ZNF521: variants seen among roughly 807,000 people sequenced by gnomAD.
ZNF521 encodes LYST-interacting protein 3.
In ZNF521, 14 loss-of-function variants were observed where a neutral mutation model predicts 105.5. That is an observed-to-expected ratio of 0.13 (90% CI 0.09 to 0.21). The LOEUF (loss-of-function observed/expected upper bound fraction) is 0.21. ZNF521 is among the 10% of genes least tolerant of loss of function. The pLI is 1.00. For missense variants in ZNF521, 1,233 were observed against 1,629.7 expected (o/e 0.76, Z 4.19); for synonymous variants, 635 against 606.0 (o/e 1.05, Z -0.70).
intron 7 of ZNF521, among the ~76,000 whole-genome samples, chr18:25,083,192 T>C (rs942810785): frequency 5.3e-5 from 8 of 152,216 alleles, no homozygotes; most frequent in Non-Finnish European, 8.8e-5. Flanking sequence ...TATACATGTT[T>C]AGTTTTGTAG....
chr18:25,077,641 G>T (rs1020410244), intron 7 of ZNF521, among the ~76,000 whole-genome samples: 3 of 152,162 alleles, frequency 2.0e-5, no homozygotes, highest in Non-Finnish European at 4.4e-5. Flanking sequence ...GAAAGGGAGG[G>T]ATGAGAGATG....
chr18:25,267,291 A>AT (rs1909336217), intron 3 of ZNF521, among the ~76,000 whole-genome samples: 1 of 152,166 alleles, frequency 6.6e-6, no homozygotes, highest in Admixed American at 6.5e-5. Flanking sequence ...CGACTTATAG[A>AT]TAAAACCCCC....
At chr18:25,087,544 C>T (rs1007552395) in intron 7 of ZNF521, among the ~76,000 whole-genome samples, 1 of 152,158 alleles carries the variant, frequency 6.6e-6, no homozygotes, top group Admixed American at 6.5e-5. Context: ...TGATTTTAAA[C>T]GATTACTTAA....
chr18:25,342,186 T>C (rs904424446), intron 2 of ZNF521, among the ~76,000 whole-genome samples: 2 of 152,162 alleles, frequency 1.3e-5, no homozygotes, highest in African/African-American at 4.8e-5. Context: ...GGAATTAATA[T>C]GCACTCCCTT....
intron 7 of ZNF521, among the ~76,000 whole-genome samples, chr18:25,065,299 C>G (rs1459342183): frequency 2.0e-5 from 3 of 152,178 alleles, no homozygotes; most frequent in Non-Finnish European, 4.4e-5. Context: ...TTTTTGAGCA[C>G]TGACATGATG....
chr18:25,068,699 G>T (rs1393087574), intron 7 of ZNF521, among the ~76,000 whole-genome samples: 2 of 152,048 alleles, frequency 1.3e-5, no homozygotes, highest in Non-Finnish European at 2.9e-5. Flanking sequence ...TGTCTGTACG[G>T]GTCCCTGAAG....
intron 2 of ZNF521, among the ~76,000 whole-genome samples, chr18:25,344,652 G>A (rs1048239912): frequency 6.6e-6 from 1 of 152,098 alleles, no homozygotes; most frequent in African/African-American, 2.4e-5. Context: ...GGTTTGACGT[G>A]GAATATCAGC....
chr18:25,199,787 T>C (rs537863479), intron 4 of ZNF521, among the ~76,000 whole-genome samples: 1 of 152,222 alleles, frequency 6.6e-6, no homozygotes, highest in Non-Finnish European at 1.5e-5. Flanking sequence ...TCACTTGATA[T>C]GCACCAAAAA....
At chr18:25,282,064 T>C (rs933740140) in intron 3 of ZNF521, among the ~76,000 whole-genome samples, 9 of 152,170 alleles carry the variant, frequency 5.9e-5, no homozygotes, top group African/African-American at 2.2e-4. Flanking sequence ...TGTTAGGAAG[T>C]TGCCACTCGT....
chr18:25,231,172 C>T (rs1359535610), intron 3 of ZNF521, among the ~76,000 whole-genome samples: 1 of 152,176 alleles, frequency 6.6e-6, no homozygotes, highest in African/African-American at 2.4e-5. Flanking sequence ...TACACCCAGC[C>T]GCTGAAGGCC....
intron 5 of ZNF521, among the ~76,000 whole-genome samples, chr18:25,152,462 G>C (rs955025703): frequency 3.4e-5 from 5 of 148,146 alleles, no homozygotes; most frequent in Non-Finnish European, 7.4e-5. Context: ...CTGGGCAACA[G>C]AGCGAGACTC....
intron 2 of ZNF521, among the ~76,000 whole-genome samples, chr18:25,336,048 G>A (rs1037935375): frequency 6.6e-6 from 1 of 152,140 alleles, no homozygotes; most frequent in Non-Finnish European, 1.5e-5. Flanking sequence ...GAAACCAAGA[G>A]GAAAACAATG....
intron 5 of ZNF521, among the ~76,000 whole-genome samples, chr18:25,179,280 A>G (rs961336147): frequency 6.6e-6 from 1 of 150,850 alleles, no homozygotes; most frequent in Non-Finnish European, 1.5e-5. Flanking sequence ...CAGCCTCCAG[A>G]GTAGCTAGGA....
At chr18:25,112,115 A>C (rs2034202520) in intron 5 of ZNF521, among the ~76,000 whole-genome samples, 1 of 152,146 alleles carries the variant, frequency 6.6e-6, no homozygotes, top group Non-Finnish European at 1.5e-5. Context: ...CAAATGGCCT[A>C]CTCTCCTGTC....
intron 2 of ZNF521, among the ~76,000 whole-genome samples, chr18:25,341,237 C>T (rs543421785): frequency 1.3e-3 from 198 of 152,300 alleles, no homozygotes; most frequent in African/African-American, 4.1e-3. Flanking sequence ...TTTTTAGTAC[C>T]GACTTGCTGC....
chr18:25,345,481 G>A (rs1914421397), intron 2 of ZNF521: 2 of 151,960 alleles, frequency 1.3e-5, no homozygotes, highest in African/African-American at 4.8e-5. Flanking sequence ...TCCTTTTTTG[G>A]CTGGATGAAT....
intron 4 of ZNF521, among the ~76,000 whole-genome samples, chr18:25,206,496 C>A (rs995599206): frequency 3.9e-5 from 6 of 152,012 alleles, no homozygotes; most frequent in Non-Finnish European, 5.9e-5. Context: ...TCCAGCTAGT[C>A]TTCTGTCAAA....
At chr18:25,216,188 G>A (rs1331059193) in intron 4 of ZNF521, among the ~76,000 whole-genome samples, 2 of 151,946 alleles carry the variant, frequency 1.3e-5, no homozygotes, top group Non-Finnish European at 2.9e-5. Flanking sequence ...ATACAAAACA[G>A]AACTCCGGGA....
At chr18:25,063,060 T>C (rs1400579364) in intron 7 of ZNF521, among the ~76,000 whole-genome samples, 1 of 152,204 alleles carries the variant, frequency 6.6e-6, no homozygotes, top group African/African-American at 2.4e-5. Flanking sequence ...GGCTGGCACC[T>C]TGCCTTTTCT....
Sources: allele counts gnomAD v4.1 joint callset (sites outside exome capture counted in the v4.1 genomes callset), GRCh38; gene constraint gnomAD v4.1.1; transcripts MANE v1.5; gene names NCBI Gene and HGNC (gene_info 2026-07-23, HGNC 2026-07-21).